ARHGEF7: variants seen among roughly 807,000 people sequenced by gnomAD.
ARHGEF7 encodes PAK-interacting exchange factor beta.
ARHGEF7 carries 33 observed loss-of-function variants against 109.8 expected under a neutral mutation model. That is an observed-to-expected ratio of 0.30 (90% CI 0.23 to 0.40). The LOEUF is 0.40. Ranked by LOEUF, ARHGEF7 falls within the 10% of genes least tolerant of loss-of-function variation. The pLI is 1.00. For missense variants in ARHGEF7, 938 were observed against 1,098.5 expected (o/e 0.85, Z 2.07); for synonymous variants, 458 against 424.6 (o/e 1.08, Z -0.97).
intron 2 of ARHGEF7, among the ~76,000 whole-genome samples, chr13:111,174,056 C>G (rs527684103): frequency 2.2e-4 from 34 of 152,274 alleles, no homozygotes; most frequent in African/African-American, 7.9e-4. Context: ...TCCCCCTGTA[C>G]TATTCGGATA....
chr13:111,200,646 C>T (rs1218310315), intron 2 of ARHGEF7, among the ~76,000 whole-genome samples: 1 of 152,178 alleles, frequency 6.6e-6, no homozygotes, highest in Non-Finnish European at 1.5e-5. Context: ...AAAATTAACG[C>T]CATGTTCTGA....
At chr13:111,297,770 T>C (rs2093459788) in intron 19 of ARHGEF7, among the ~76,000 whole-genome samples, 1 of 152,214 alleles carries the variant, frequency 6.6e-6, no homozygotes, top group Non-Finnish European at 1.5e-5. Flanking sequence ...TCTGACCCAT[T>C]TCTTTACAAA....
chr13:111,142,043 C>A (rs2075371943), intron 1 of ARHGEF7, among the ~76,000 whole-genome samples: 1 of 152,080 alleles, frequency 6.6e-6, no homozygotes, highest in African/African-American at 2.4e-5. Context: ...AGTGGCATCT[C>A]CTTGTTTTAA....
At chr13:111,130,048 G>A (rs1324839823) in intron 1 of ARHGEF7, among the ~76,000 whole-genome samples, 1 of 152,192 alleles carries the variant, frequency 6.6e-6, no homozygotes. Flanking sequence ...TCAGCAATAA[G>A]AAGGAATATT....
At chr13:111,293,222 T>C in intron 19 of ARHGEF7, 1 of 985,422 alleles carries the variant, frequency 1.0e-6, no homozygotes, top group Non-Finnish European at 1.2e-6. Context: ...ACTTACAAAG[T>C]CAAGTGCTGT....
chr13:111,163,532 T>A (rs1190895680), intron 2 of ARHGEF7, among the ~76,000 whole-genome samples: 1 of 152,124 alleles, frequency 6.6e-6, no homozygotes, highest in Non-Finnish European at 1.5e-5. Context: ...TGAAGCAAAG[T>A]TAATTTTAGT....
chr13:111,164,244 A>G (rs2076956728), intron 2 of ARHGEF7, among the ~76,000 whole-genome samples: 1 of 152,252 alleles, frequency 6.6e-6, no homozygotes, highest in African/African-American at 2.4e-5. Flanking sequence ...GAAGTGGTTC[A>G]GAAGTCACAG....
intron 2 of ARHGEF7, among the ~76,000 whole-genome samples, chr13:111,176,192 TG>T (rs1276112955): frequency 6.6e-6 from 1 of 152,136 alleles, no homozygotes; most frequent in African/African-American, 2.4e-5. Flanking sequence ...TGTAGGTTGA[TG>T]GAAGTGTGGA....
In ARHGEF7 at chr13:111,233,307, G is replaced by A; in HGVS notation, c.759+14G>A. On this transcript the variant is annotated intron_variant, in intron 6 of 21. Transcript: ENST00000646102. ...TATTACAATGTGGTGAGTAATTGCA[G>A]AACATTTTTAAACTAACTGGTTTTT... The A allele has an allele frequency of 6.2e-7, 1 of 1,605,822 alleles. No homozygotes were observed. The highest frequency in any genetic ancestry group is 1.1e-5 in the South Asian group (1 of 90,860).
chr13:111,126,489 CAAAA>C (rs1002145808), intron 1 of ARHGEF7, among the ~76,000 whole-genome samples: 2 of 81,178 alleles, frequency 2.5e-5, no homozygotes, highest in African/African-American at 4.5e-5. Context: ...GACTCCATCT[CAAAA>C]AAAAAAAAAA....
chr13:111,130,878 A>G (rs1483982258), intron 1 of ARHGEF7, among the ~76,000 whole-genome samples: 1 of 152,178 alleles, frequency 6.6e-6, no homozygotes, highest in Non-Finnish European at 1.5e-5. Context: ...ATGCACCCCT[A>G]CACAGAGGGG....
Position 111,131,680 on chromosome 13 carries a change from C to T in ARHGEF7, c.165+15989C>T, listed in dbSNP as rs1043807027. Among the ~76,000 whole-genome samples, 6 of 152,108 alleles carry T rather than the reference C, an allele frequency of 3.9e-5. No individual in the cohort carries two copies. The highest frequency in any genetic ancestry group is 1.4e-4 in the African/African-American group (6 of 41,396). On this transcript the variant is annotated intron_variant, in intron 1 of 21. Transcript: ENST00000646102. This position sits in a 1 kb window ranked among gnomAD's most constrained non-coding sequence, Gnocchi z 4.4. The stretch of plus-strand genomic sequence containing the variant: ...GAGGCCATTAGGAGACGGGCAGTGA[C>T]CTGAGGTCAGGGGACGAGAGTGCTG...
At chr13:111,262,871 G>A (rs767199493) in intron 8 of ARHGEF7, among the ~76,000 whole-genome samples, 36 of 152,174 alleles carry the variant, frequency 2.4e-4, no homozygotes, top group Non-Finnish European at 1.2e-4. Flanking sequence ...TTATGGCTTT[G>A]GTTCTGCCAG....
At chr13:111,155,026 A>C (rs2076203298) in intron 2 of ARHGEF7, among the ~76,000 whole-genome samples, 1 of 152,222 alleles carries the variant, frequency 6.6e-6, no homozygotes, top group Non-Finnish European at 1.5e-5. Flanking sequence ...ACAATAAAAA[A>C]CAACACAGTA....
At chr13:111,268,832 G>A (rs2091896024) in intron 9 of ARHGEF7, among the ~76,000 whole-genome samples, 1 of 152,268 alleles carries the variant, frequency 6.6e-6, no homozygotes, top group African/African-American at 2.4e-5. Context: ...TGAATATTCT[G>A]TTGTCTTCTA....
At chr13:111,152,417 A>G (rs2153372619) in intron 1 of ARHGEF7, among the ~76,000 whole-genome samples, 1 of 152,370 alleles carries the variant, frequency 6.6e-6, no homozygotes, top group African/African-American at 2.4e-5. Context: ...AGCAAAACGG[A>G]TTAGGAAGCA....
At chr13:111,241,230 T>C in intron 6 of ARHGEF7, 1 of 1,536,220 alleles carries the variant, frequency 6.5e-7, no homozygotes, top group Non-Finnish European at 8.7e-7. Context: ...CTGCGTCCTC[T>C]GGGTTCCCAG....
Position 111,190,523 on chromosome 13 carries a change from C to T in ARHGEF7, c.253-14766C>T, listed in dbSNP as rs193039297. Reference sequence around the variant, plus strand: ...GGGATTGTAGAGTAAGGATAGATTTCGTTATTTCTTGCAAACTGAGAAATC... The same window carrying T: ...GGGATTGTAGAGTAAGGATAGATTTTGTTATTTCTTGCAAACTGAGAAATC... On this transcript the variant is annotated intron_variant, in intron 2 of 21. Transcript: ENST00000646102. 7.1e-4 allele frequency among the ~76,000 whole-genome samples: 108 copies of T among 152,186 alleles called. 1 individual carries two copies. The highest frequency in any genetic ancestry group is 2.5e-3 in the African/African-American group (102 of 41,530).
chr13:111,182,866 A>C (rs1175113936), intron 2 of ARHGEF7, among the ~76,000 whole-genome samples: 1 of 152,220 alleles, frequency 6.6e-6, no homozygotes, highest in Non-Finnish European at 1.5e-5. Context: ...GTACCCATAC[A>C]GCCAGTTTTT....
Sources: allele counts gnomAD v4.1 joint callset (sites outside exome capture counted in the v4.1 genomes callset), GRCh38; gene constraint gnomAD v4.1.1; non-coding constraint Gnocchi (gnomAD v3.1); transcripts MANE v1.5; gene names NCBI Gene and HGNC (gene_info 2026-07-23, HGNC 2026-07-21).